Variants in OVOL1 observed in about 807,000 individuals in gnomAD.
The protein encoded by OVOL1 is ovo like transcriptional repressor 1, also known as putative transcription factor Ovo-like 1.
Under a neutral mutation model 21.5 loss-of-function variants are expected in OVOL1, and 10 were observed. That is an observed-to-expected ratio of 0.46 (90% confidence interval 0.29 to 0.79). The LOEUF (loss-of-function observed/expected upper bound fraction) is 0.79. OVOL1 is among the 30% of genes least tolerant of loss of function. OVOL1 has a pLI of 0.10. For synonymous variants in OVOL1, 129 were observed against 150.3 expected (o/e 0.86, Z 1.03); for missense variants, 279 against 362.3 (o/e 0.77, Z 1.87).
Position 65,791,344 on chromosome 11 carries a change from A to G in OVOL1, c.101-2687A>G, listed in dbSNP as rs568945442. 1.5e-3 allele frequency among the ~76,000 whole-genome samples: 234 copies of G among 152,298 alleles called. 1 individual carries two copies. Among genetic ancestry groups the G allele is most frequent in the African/African-American group, 5.2e-3 (217 of 41,564 alleles). On this transcript the variant is annotated intron_variant, in intron 1 of 3. Transcript: ENST00000335987. ...GCTGAGAACCAGCTGCACTGTGCTG[A>G]CATGCTGGGCCCCCGTCTCACCTTC...
Position 65,795,324 on chromosome 11 carries a change from G to C in OVOL1, c.787G>C (p.Gly263Arg). Reference protein sequence around the residue: ...LQNTVTSLLQGSPHL With the variant: ...LQNTVTSLLQRSPHL ...GAACACTGTCACTTCCCTGCTGCAG[G>C]GCAGCCCCCACCTGTGAGTGGCTCG... The change falls in exon 4 of 4, where the codon GGC becomes CGC. Residue 263 changes from glycine (G) to arginine (R), a missense_variant. Gly to Arg is a moderately radical substitution (Grantham distance 125, BLOSUM62 -2). Coordinates refer to ENST00000335987, the MANE Select transcript of OVOL1 (RefSeq NM_004561.4). This position sits in a 1 kb window ranked among gnomAD's most constrained non-coding sequence, Gnocchi z 5.7. 6.2e-7 allele frequency: 1 copy of C among 1,604,226 alleles called. No homozygotes were observed. Among genetic ancestry groups the C allele is most frequent in the Non-Finnish European group, 8.5e-7 (1 of 1,176,588 alleles).
At position 65,795,105 on chromosome 11, in the gene OVOL1, G is replaced by T. The variant is rs1450272949; in HGVS notation, c.568G>T (p.Glu190Ter). The T allele has an allele frequency of 6.2e-7, 1 of 1,613,732 alleles. No homozygotes were observed. The highest frequency in any genetic ancestry group is 8.5e-7 in the Non-Finnish European group (1 of 1,180,012). The change falls in exon 4 of 4, where the codon GAG (glutamate) becomes TAG (stop). Residue 190 changes from glutamate (E) to a stop codon, truncating the protein, a stop_gained. Transcript: ENST00000335987. LOFTEE classifies it high-confidence loss of function. The surrounding 1 kb of genome is among the most constrained non-coding windows in gnomAD (Gnocchi z 5.7). ...GGCCTTCACGCAGCGCTGCTCTCTG[G>T]AGTCTCACCTCAAGAAGATCCATGG... ...DKAFTQRCSL[E>*]SHLKKIHGVQ...
At chr11:65,791,299 C>T (rs1193319511) in intron 1 of OVOL1, among the ~76,000 whole-genome samples, 1 of 152,198 alleles carries the variant, frequency 6.6e-6, no homozygotes, top group Non-Finnish European at 1.5e-5. Flanking sequence ...ACCAGCCCTT[C>T]CTGATAAGGG....
intron 1 of OVOL1, chr11:65,788,528 C>A (rs528615859): frequency 3.3e-4 from 330 of 985,216 alleles, no homozygotes; most frequent in Non-Finnish European, 3.9e-4. Context: ...TCTGCAGACT[C>A]CCTGGCACCG....
At chr11:65,792,002 G>A (rs1353744521) in intron 1 of OVOL1, among the ~76,000 whole-genome samples, 2 of 152,318 alleles carry the variant, frequency 1.3e-5, no homozygotes, top group African/African-American at 4.8e-5. Context: ...GGGTGGGTGG[G>A]ATGAGGCAAA....
At chr11:65,793,723 C>T (rs1477074912) in intron 1 of OVOL1, 1 of 453,386 alleles carries the variant, frequency 2.2e-6, no homozygotes, top group African/African-American at 2.0e-5. Context: ...TCAGAGGGAC[C>T]AGCCCAGGTG....
rs1043201588 is a variant in OVOL1, at chr11:65,794,483, C to T, written c.319-55C>T. The T allele has an allele frequency of 3.9e-6, 6 of 1,553,696 alleles. No individual in the cohort carries two copies. The African/African-American group carries it at 8.1e-5, about 21-fold the overall frequency. ...TGGCATCCACGTCTTCCCAATCTGC[C>T]AGCCTGTGGCCCCAACTTCTGGATG... is the stretch of plus-strand genomic sequence containing the variant. On this transcript the variant is annotated intron_variant, in intron 2 of 3. Coordinates refer to ENST00000335987, the MANE Select transcript of OVOL1 (RefSeq NM_004561.4).
Position 65,787,248 on chromosome 11 carries a change from G to A in OVOL1, c.-126G>A. The A allele has an allele frequency of 1.8e-5, 13 of 708,122 alleles. No homozygotes were observed. Among genetic ancestry groups the A allele is most frequent in the Non-Finnish European group, 3.1e-5 (13 of 419,636 alleles). The allele number at this position is 708,122 out of a possible 1,614,324, so 43.9% of individuals were successfully genotyped here. A position where few individuals can be genotyped will look rare whatever the true frequency, so the allele number is the denominator to read the frequency against. ...GGCTCGGACCTTCCCCGGAACGTGG[G>A]GGCGCCTTAGCGACTCCTTCCCTGT... On this transcript the variant is annotated 5_prime_UTR_variant, in exon 1 of 4. Coordinates refer to ENST00000335987, the MANE Select transcript of OVOL1 (RefSeq NM_004561.4).
intron 1 of OVOL1, among the ~76,000 whole-genome samples, chr11:65,792,005 G>A (rs1858029682): frequency 6.6e-6 from 1 of 152,180 alleles, no homozygotes; most frequent in African/African-American, 2.4e-5. Context: ...TGGGTGGGAT[G>A]AGGCAAACAT....
At chr11:65,792,759 A>T (rs796577861) in intron 1 of OVOL1, among the ~76,000 whole-genome samples, 3 of 152,290 alleles carry the variant, frequency 2.0e-5, no homozygotes, top group African/African-American at 7.2e-5. Flanking sequence ...TTGTGTTTTG[A>T]GGGGGCGAGA....
At chr11:65,788,745 G>A (rs1342835700) in intron 1 of OVOL1, 1 of 985,306 alleles carries the variant, frequency 1.0e-6, no homozygotes, top group African/African-American at 1.7e-5. Context: ...CTCTTCCACC[G>A]TTCCTTAAAA....
chr11:65,795,045 G>A lies in OVOL1; in HGVS notation c.509-1G>A. 6.2e-7 allele frequency: 1 copy of A among 1,611,796 alleles called. No homozygotes were observed. Among genetic ancestry groups the A allele is most frequent in the Non-Finnish European group, 8.5e-7 (1 of 1,179,600 alleles). ...GATGCTGGCCCCTGTCCTCCCCACAGGCGTGCGGCCCTACAAGTGCAGCCT... is the reference window on the plus strand; with the variant it reads ...GATGCTGGCCCCTGTCCTCCCCACAAGCGTGCGGCCCTACAAGTGCAGCCT... On this transcript the variant is annotated splice_acceptor_variant, in intron 3 of 3. Coordinates refer to ENST00000335987, the MANE Select transcript of OVOL1 (RefSeq NM_004561.4). LOFTEE classifies it high-confidence loss of function. This position sits in a 1 kb window ranked among gnomAD's most constrained non-coding sequence, Gnocchi z 5.7.
chr11:65,787,455 G>A lies in OVOL1; in HGVS notation c.82G>A (p.Gly28Ser). 1 of 1,580,716 alleles carries A rather than the reference G, an allele frequency of 6.3e-7. No individual in the cohort carries two copies. The highest frequency in any genetic ancestry group is 8.6e-7 in the Non-Finnish European group (1 of 1,163,878). ...GAGCGAGCTCCCCGACGAGGAGCGC[G>A]GCGAGATCTACGTGCCAGGTGAGGC... ...NWSELPDEER[G>S]EIYVPVSLGF... Residue 28 changes from glycine to serine, a missense_variant, in exon 1 of 4, where the codon GGC (glycine) becomes AGC (serine). Transcript: ENST00000335987.
At position 65,787,126 on chromosome 11, in the gene OVOL1, GCTT is replaced by G; in HGVS notation, c.-246_-244del. Reference sequence around the variant, plus strand: ...TCGAGCCGGGAGACGCTTACCTGCCGCTTCCCCGCGCCGCCCGGTGCACCTGGC... The same window carrying G: ...TCGAGCCGGGAGACGCTTACCTGCCGCCCCGCGCCGCCCGGTGCACCTGGC... On this transcript the variant is annotated 5_prime_UTR_variant, in exon 1 of 4. Coordinates refer to ENST00000335987, the MANE Select transcript of OVOL1 (RefSeq NM_004561.4). The G allele has an allele frequency of 2.6e-6, 1 of 378,608 alleles. No homozygotes were observed. The highest frequency in any genetic ancestry group is 5.0e-6 in the Non-Finnish European group (1 of 199,186). 23.5% of individuals were successfully genotyped at this position (378,608 alleles called of 1,614,324 possible). A position where few individuals can be genotyped will look rare whatever the true frequency, so the allele number is the denominator to read the frequency against.
chr11:65,788,473 A>AG (rs1450552456), intron 1 of OVOL1: 1 of 982,598 alleles, frequency 1.0e-6, no homozygotes, highest in Non-Finnish European at 1.2e-6. Context: ...AGCCCCTCCG[A>AG]GGGGGGAGGG....
chr11:65,787,637 G>C (rs1040204856), intron 1 of OVOL1, among the ~76,000 whole-genome samples, 164 bp downstream of exon 1: 1 of 151,630 alleles, frequency 6.6e-6, no homozygotes, highest in South Asian at 2.1e-4. Context: ...CTCTCGACCC[G>C]GGACTCGGGG....
rs1429953416 is a variant in OVOL1, at chr11:65,787,161, G to A, written c.-213G>A. 1 of 451,192 alleles carries A rather than the reference G, an allele frequency of 2.2e-6. No individual in the cohort carries two copies. Among genetic ancestry groups the A allele is most frequent in the Non-Finnish European group, 4.1e-6 (1 of 242,822 alleles). 27.9% of individuals were successfully genotyped at this position (451,192 alleles called of 1,614,324 possible). A position where few individuals can be genotyped will look rare whatever the true frequency, so the allele number is the denominator to read the frequency against. On this transcript the variant is annotated 5_prime_UTR_variant, in exon 1 of 4. Transcript: ENST00000335987. ...GCCGCCCGGTGCACCTGGCCGCAAGGGACCTCGTTCTCAGGGAAGACGGCG... is the reference window on the plus strand; with the variant it reads ...GCCGCCCGGTGCACCTGGCCGCAAGAGACCTCGTTCTCAGGGAAGACGGCG...
chr11:65,795,938 CTG>C lies in OVOL1; in HGVS notation c.*608_*609del, dbSNP rs142200666. The stretch of plus-strand genomic sequence containing the variant: ...TGCGTGTGCTTGTGTGTGTGCACTG[CTG>C]TGTGTGTGTGCACGCACAGGAAGCC... On this transcript the variant is annotated 3_prime_UTR_variant, in exon 4 of 4. Transcript: ENST00000335987. The surrounding 1 kb of genome is among the most constrained non-coding windows in gnomAD (Gnocchi z 5.7). The C allele has an allele frequency of 4.4e-5, 7 of 158,430 alleles. No individual in the cohort carries two copies. Among genetic ancestry groups the C allele is most frequent in the Non-Finnish European group, 8.4e-5 (6 of 71,124 alleles). 9.8% of individuals were successfully genotyped at this position (158,430 alleles called of 1,614,324 possible). A position where few individuals can be genotyped will look rare whatever the true frequency, so the allele number is the denominator to read the frequency against.
chr11:65,787,820 G>A (rs1857934363), intron 1 of OVOL1, among the ~76,000 whole-genome samples: 1 of 152,146 alleles, frequency 6.6e-6, no homozygotes, highest in African/African-American at 2.4e-5. Context: ...CTCCGACGTC[G>A]TAAATCCAGA....
Sources: gnomAD v4.1 joint callset for allele counts (sites outside exome capture counted in the v4.1 genomes callset) on GRCh38, gnomAD v4.1.1 for gene constraint, Gnocchi (gnomAD v3.1) non-coding constraint, MANE v1.5 for transcripts, NCBI Gene and HGNC (gene_info 2026-07-23, HGNC 2026-07-21) for gene names.